Variants in TENM2 observed in about 807,000 individuals in gnomAD.
The protein encoded by TENM2 is teneurin-2.
In TENM2, 52 loss-of-function variants were observed where a neutral mutation model predicts 245.2. The observed-to-expected ratio is 0.21, with a 90% CI of 0.17 to 0.27. The LOEUF is 0.27. Ranked by LOEUF, TENM2 falls within the 10% of genes least tolerant of loss-of-function variation. The pLI, the probability that TENM2 is intolerant of heterozygous loss-of-function variation, is 1.00. For missense variants in TENM2, 3,046 were observed against 3,666.8 expected (o/e 0.83, Z 4.37); for synonymous variants, 1,363 against 1,438.9 (o/e 0.95, Z 1.19).
At chr5:168,018,098 G>C (rs1055816238) in intron 5 of TENM2, among the ~76,000 whole-genome samples, 3 of 152,140 alleles carry the variant, frequency 2.0e-5, no homozygotes, top group South Asian at 2.1e-4. Context: ...CCAGCATCTC[G>C]GAGTTGGTTG....
intron 2 of TENM2, among the ~76,000 whole-genome samples, chr5:167,862,576 T>C (rs1374584719): frequency 6.6e-6 from 1 of 152,238 alleles, no homozygotes; most frequent in Non-Finnish European, 1.5e-5. Flanking sequence ...CATGCTTCTT[T>C]GTGCCCCAAG....
chr5:167,418,328 A>T lies in TENM2; in HGVS notation c.502+42855A>T, dbSNP rs542464250. On this transcript the variant is annotated intron_variant, in intron 2 of 28. Coordinates refer to ENST00000518659, the Ensembl canonical transcript of TENM2. ...GAAACTGTCTCAAAAAAAAAAAAAA[A>T]ATATTGCTTTGGAGAAACGTATAGA... Among the ~76,000 whole-genome samples the T allele has an allele frequency of 2.8e-3, 427 of 152,118 alleles. 5 individuals are homozygous for T. The highest frequency in any genetic ancestry group is 7.6e-3 in the African/African-American group (314 of 41,504).
chr5:168,037,481 A>T (rs1179226380), intron 5 of TENM2, among the ~76,000 whole-genome samples: 2 of 151,032 alleles, frequency 1.3e-5, no homozygotes, highest in African/African-American at 4.9e-5. Context: ...ACAGTAGAAG[A>T]TATTTGTCAT....
chr5:168,179,134 G>GAAA (rs35502066), intron 13 of TENM2, among the ~76,000 whole-genome samples: 40 of 99,900 alleles, frequency 4.0e-4, no homozygotes, highest in Non-Finnish European at 5.5e-4. Context: ...GACTCTGCCT[G>GAAA]AAAAAAAAAA....
intron 1 of TENM2, among the ~76,000 whole-genome samples, chr5:167,364,097 G>A (rs73367475): frequency 0.025 from 3,658 of 148,298 alleles, 117 homozygotes; most frequent in African/African-American, 0.077. Context: ...AAAGGGTAGC[G>A]TAAGATCAGC....
intron 2 of TENM2, among the ~76,000 whole-genome samples, chr5:167,379,949 A>G (rs1760999324): frequency 7.0e-6 from 1 of 143,796 alleles, no homozygotes; most frequent in Non-Finnish European, 1.5e-5. Flanking sequence ...AAAAAAACCC[A>G]GAACAAAGTT....
intron 2 of TENM2, among the ~76,000 whole-genome samples, chr5:167,801,994 G>A (rs1013762332): frequency 3.3e-5 from 5 of 152,062 alleles, no homozygotes; most frequent in African/African-American, 1.2e-4. Context: ...TCCAAGATTA[G>A]CGTGCTGGCA....
the TENM2 span, among the ~76,000 whole-genome samples, chr5:167,063,682 G>A: frequency 6.6e-6 from 1 of 152,156 alleles, no homozygotes; most frequent in Admixed American, 6.5e-5. Flanking sequence ...GACAGATACA[G>A]GAAAGGTATG....
chr5:168,006,745 T>C (rs192452406), intron 5 of TENM2, among the ~76,000 whole-genome samples: 13 of 152,324 alleles, frequency 8.5e-5, no homozygotes, highest in Middle Eastern at 3.4e-3. Flanking sequence ...TATTAACCAG[T>C]AATAGTAAAA....
intron 2 of TENM2, among the ~76,000 whole-genome samples, chr5:167,441,577 G>GA (rs61164823): frequency 0.16 from 24,722 of 152,058 alleles, 2,281 homozygotes; most frequent in Middle Eastern, 0.25. Context: ...ATTCAATGGG[G>GA]AAAATCAATT....
At chr5:167,485,965 T>A (rs534016496) in intron 2 of TENM2, among the ~76,000 whole-genome samples, 82 of 152,190 alleles carry the variant, frequency 5.4e-4, no homozygotes, top group African/African-American at 1.9e-3. Context: ...AAATTATACA[T>A]ACACACTTGT....
exon 5 of TENM2, chr5:167,993,088 G>A (rs747399401): frequency 6.2e-7 from 1 of 1,613,916 alleles, no homozygotes; most frequent in African/African-American, 1.3e-5. Flanking sequence ...CTTTCAAGCT[G>A]AAGAAGCCCT....
At chr5:167,355,701 G>A (rs1171122542) in intron 1 of TENM2, among the ~76,000 whole-genome samples, 1 of 152,094 alleles carries the variant, frequency 6.6e-6, no homozygotes, top group East Asian at 1.9e-4. Flanking sequence ...GCCAGATAGT[G>A]CAAATGTTTT....
intron 2 of TENM2, among the ~76,000 whole-genome samples, chr5:167,847,471 C>A (rs1449267345): frequency 6.6e-6 from 1 of 152,188 alleles, no homozygotes; most frequent in African/African-American, 2.4e-5. Context: ...ATGCCCTCTG[C>A]AAATAAACAA....
At chr5:168,107,430 G>A (rs1794335721) in intron 9 of TENM2, among the ~76,000 whole-genome samples, 1 of 152,082 alleles carries the variant, frequency 6.6e-6, no homozygotes, top group African/African-American at 2.4e-5. Context: ...AAAAGCTTTG[G>A]TTTAAAGACA....
chr5:167,783,173 G>T (rs1341807443), intron 2 of TENM2, among the ~76,000 whole-genome samples: 2 of 143,970 alleles, frequency 1.4e-5, no homozygotes, highest in African/African-American at 5.1e-5. Context: ...CTAGAAACAG[G>T]TTTTTTTTTT....
At chr5:168,030,903 G>A (rs1787084707) in intron 5 of TENM2, among the ~76,000 whole-genome samples, 1 of 152,166 alleles carries the variant, frequency 6.6e-6, no homozygotes, top group Admixed American at 6.5e-5. Flanking sequence ...TGGGAGGTTG[G>A]GGGCTCGTCT....
chr5:166,980,043 G>A, the TENM2 span, among the ~76,000 whole-genome samples: 1 of 152,152 alleles, frequency 6.6e-6, no homozygotes, highest in Non-Finnish European at 1.5e-5. Context: ...GGAATCATTT[G>A]CATTCCAAAA....
At chr5:167,578,256 C>T (rs1259323925) in intron 2 of TENM2, among the ~76,000 whole-genome samples, 1 of 152,166 alleles carries the variant, frequency 6.6e-6, no homozygotes, top group Non-Finnish European at 1.5e-5. Context: ...TGCAGCCTTA[C>T]GGAGGTATTG....
Sources: allele counts gnomAD v4.1 joint callset (sites outside exome capture counted in the v4.1 genomes callset), GRCh38; gene constraint gnomAD v4.1.1; transcripts MANE v1.5; gene names NCBI Gene and HGNC (gene_info 2026-07-23, HGNC 2026-07-21).